CAPS2: variants seen among roughly 807,000 people sequenced by gnomAD.
The protein encoded by CAPS2 is calcyphosine 2, also known as calcyphosin-2.
In CAPS2, 98 loss-of-function variants were observed where a neutral mutation model predicts 86.5. The observed-to-expected ratio is 1.13, with a 90% confidence interval of 0.96 to 1.34. CAPS2 has a LOEUF of 1.34. Ranked by LOEUF, CAPS2 falls within the 40% of genes most tolerant of loss-of-function variation. CAPS2 has a pLI of 0.00. For missense variants in CAPS2, 729 were observed against 686.8 expected (o/e 1.06, Z -0.69); for synonymous variants, 210 against 225.1 (o/e 0.93, Z 0.60).
intron 9 of CAPS2, among the ~76,000 whole-genome samples, 178 bp from the exon 10 acceptor site, chr12:75,299,144 A>G (rs2037393147): frequency 6.6e-6 from 1 of 152,222 alleles, no homozygotes; most frequent in Non-Finnish European, 1.5e-5. Flanking sequence ...ATGTCCACTA[A>G]AAGTTAGATT....
At chr12:75,344,769 G>GTTACCTGCAATTTAT (rs1302057568) in intron 1 of CAPS2, among the ~76,000 whole-genome samples, 1 of 152,106 alleles carries the variant, frequency 6.6e-6, no homozygotes, top group East Asian at 1.9e-4. Flanking sequence ...GTACAGCTAA[G>GTTACCTGCAATTTAT]TTACCTGCAA....
At chr12:75,388,009 G>A (rs1364904134) in intron 1 of CAPS2, among the ~76,000 whole-genome samples, 1 of 152,182 alleles carries the variant, frequency 6.6e-6, no homozygotes, top group Non-Finnish European at 1.5e-5. Flanking sequence ...TTTGCAAATT[G>A]ATATGGTTTG....
intron 8 of CAPS2, among the ~76,000 whole-genome samples, chr12:75,303,313 A>T (rs1281583182): frequency 6.6e-6 from 1 of 152,242 alleles, no homozygotes; most frequent in African/African-American, 2.4e-5. Context: ...TTAACAAATA[A>T]GTGCCATTAG....
chr12:75,279,510 C>T (rs908707903), intron 16 of CAPS2, among the ~76,000 whole-genome samples: 3 of 151,952 alleles, frequency 2.0e-5, no homozygotes, highest in Non-Finnish European at 4.4e-5. Context: ...GATGGGAATA[C>T]TACTCAAACC....
chr12:75,342,009 C>T (rs924589027), intron 1 of CAPS2, among the ~76,000 whole-genome samples: 1 of 152,112 alleles, frequency 6.6e-6, no homozygotes, highest in African/African-American at 2.4e-5. Flanking sequence ...TCCCAAAGTG[C>T]TGGGATTACA....
chr12:75,364,088 T>C (rs372780770), intron 1 of CAPS2, among the ~76,000 whole-genome samples: 5 of 152,342 alleles, frequency 3.3e-5, no homozygotes, highest in Admixed American at 2.0e-4. Context: ...GATATCAGGC[T>C]TCTGAGAGAC....
chr12:75,351,308 A>T (rs2042792966), intron 1 of CAPS2, among the ~76,000 whole-genome samples: 1 of 152,192 alleles, frequency 6.6e-6, no homozygotes, highest in South Asian at 2.1e-4. Context: ...AAGAAAGGTC[A>T]ACATTCAAAT....
At chr12:75,324,858 C>T (rs2040619674) in intron 2 of CAPS2, among the ~76,000 whole-genome samples, 1 of 151,906 alleles carries the variant, frequency 6.6e-6, no homozygotes, top group Non-Finnish European at 1.5e-5. Flanking sequence ...TCATACTCCT[C>T]AAAATTAAAG....
At chr12:75,374,547 A>T (rs12313311) in intron 1 of CAPS2, among the ~76,000 whole-genome samples, 10,610 of 152,264 alleles carry the variant, frequency 0.07, 412 homozygotes, top group African/African-American at 0.11. Flanking sequence ...TATCTCACCA[A>T]TGAGTCCAGT....
At chr12:75,354,408 A>C (rs2043015728) in intron 1 of CAPS2, among the ~76,000 whole-genome samples, 1 of 152,166 alleles carries the variant, frequency 6.6e-6, no homozygotes, top group Non-Finnish European at 1.5e-5. Context: ...TAAGATACCT[A>C]GGAATACAGC....
At position 75,359,235 on chromosome 12, in the gene CAPS2, C is replaced by T. The variant is rs567422198; in HGVS notation, c.-395+31603G>A. Among the ~76,000 whole-genome samples the T allele has an allele frequency of 1.5e-4, 23 of 151,072 alleles. No homozygotes were observed. The South Asian group carries it at 4.8e-3, about 31-fold the overall frequency. On this transcript the variant is annotated intron_variant, in intron 1 of 5. Coordinates refer to the CAPS2 transcript ENST00000551829. ...AAATATAAATTATCTAGGAATAGAT[C>T]TGGCAAAAGAAAGAGACATGTACTG...
intron 7 of CAPS2, among the ~76,000 whole-genome samples, chr12:75,311,734 A>C (rs1175144481): frequency 2.9e-4 from 33 of 115,740 alleles, no homozygotes; most frequent in African/African-American, 9.4e-4. Context: ...CAAAAAAAAA[A>C]AAAAAAACCT....
intron 7 of CAPS2, among the ~76,000 whole-genome samples, chr12:75,311,711 A>AAG (rs2039219660): frequency 1.4e-5 from 1 of 72,330 alleles, no homozygotes; most frequent in Non-Finnish European, 2.4e-5. Flanking sequence ...AAAAAAAAAA[A>AAG]CAAAAAAAAA....
chr12:75,292,332 C>T (rs2036117926), intron 12 of CAPS2, among the ~76,000 whole-genome samples: 2 of 152,036 alleles, frequency 1.3e-5, no homozygotes, highest in South Asian at 4.1e-4. Context: ...TCCCAAAGTG[C>T]TGGGATTACA....
intron 1 of CAPS2, among the ~76,000 whole-genome samples, chr12:75,339,957 T>C (rs190192360): frequency 3.4e-4 from 52 of 152,258 alleles, no homozygotes; most frequent in Admixed American, 6.5e-4. Flanking sequence ...ATCATTCTTA[T>C]GTCCTCATAG....
At chr12:75,300,046 C>G (rs1025206313) in intron 8 of CAPS2, 135 bp from the exon 9 acceptor site, 2 of 432,642 alleles carry the variant, frequency 4.6e-6, no homozygotes, top group Non-Finnish European at 8.4e-6. Context: ...AAAAAAAACT[C>G]TTTTTTTCAG....
chr12:75,302,499 A>C (rs1226524097), intron 8 of CAPS2, among the ~76,000 whole-genome samples: 1 of 152,194 alleles, frequency 6.6e-6, no homozygotes, highest in East Asian at 1.9e-4. Flanking sequence ...ATTTTTAAGG[A>C]ATATACAAAG....
At chr12:75,370,471 G>C (rs1344115361) in intron 1 of CAPS2, 2 of 209,510 alleles carry the variant, frequency 9.5e-6, no homozygotes, top group African/African-American at 4.6e-5. Context: ...TACATTTAGA[G>C]AACTAAAGAC....
intron 6 of CAPS2, among the ~76,000 whole-genome samples, chr12:75,314,763 C>T (rs1276336054): frequency 2.0e-5 from 3 of 151,988 alleles, no homozygotes; most frequent in African/African-American, 4.8e-5. Context: ...TAATTAACAC[C>T]ATAGAGCCCA....
Sources: gnomAD v4.1 joint callset for allele counts (sites outside exome capture counted in the v4.1 genomes callset) on GRCh38, gnomAD v4.1.1 for gene constraint, MANE v1.5 for transcripts, NCBI Gene and HGNC (gene_info 2026-07-23, HGNC 2026-07-21) for gene names.